Variants in ALCAM observed in about 807,000 individuals in gnomAD.
ALCAM encodes CD166 antigen.
ALCAM carries 30 observed loss-of-function variants against 70.9 expected under a neutral mutation model. The ratio of observed to expected loss-of-function variants is 0.42; its 90% CI spans 0.32 to 0.57. The LOEUF (loss-of-function observed/expected upper bound fraction) is 0.57. Among genes scored for constraint, ALCAM ranks in the 20% least tolerant of loss-of-function variants. The probability of loss-of-function intolerance (pLI) is 0.11; values close to 1 mark genes in which losing one functional copy is unlikely to be tolerated. For synonymous variants in ALCAM, 249 were observed against 242.5 expected (o/e 1.03, Z -0.25); for missense variants, 591 against 695.1 (o/e 0.85, Z 1.68).
intron 2 of ALCAM, 140 bp from the exon 3 acceptor site, chr3:105,524,149 G>A (rs1576220337): frequency 2.8e-6 from 2 of 721,154 alleles, no homozygotes; most frequent in Non-Finnish European, 2.2e-6. Context: ...ATATTTACGT[G>A]AGACTTGTAT....
intron 1 of ALCAM, among the ~76,000 whole-genome samples, chr3:105,499,044 CCTTT>C (rs1340280876): frequency 6.6e-5 from 10 of 152,026 alleles, no homozygotes; most frequent in African/African-American, 2.2e-4. Flanking sequence ...ACTTATCTCA[CCTTT>C]CTTTAGGCAA....
intron 14 of ALCAM, among the ~76,000 whole-genome samples, chr3:105,568,286 T>TTA (rs1313810784): frequency 6.6e-6 from 1 of 152,024 alleles, no homozygotes; most frequent in Non-Finnish European, 1.5e-5. Flanking sequence ...AGTAGGGGTT[T>TTA]TACCATGTTG....
chr3:105,413,339 A>T (rs1282402323), intron 1 of ALCAM, among the ~76,000 whole-genome samples: 2 of 152,146 alleles, frequency 1.3e-5, no homozygotes, highest in African/African-American at 4.8e-5. Flanking sequence ...TTTAGGTTAT[A>T]TGTGTATATT....
chr3:105,460,429 C>T (rs1937587570), intron 1 of ALCAM, among the ~76,000 whole-genome samples: 1 of 151,970 alleles, frequency 6.6e-6, no homozygotes, highest in Non-Finnish European at 1.5e-5. Flanking sequence ...TCTCTTAGAT[C>T]ATTGTAAAGG....
chr3:105,496,828 GT>G (rs746530565), intron 1 of ALCAM, among the ~76,000 whole-genome samples: 3,167 of 96,822 alleles, frequency 0.033, 47 homozygotes, highest in African/African-American at 0.045. Context: ...TCCAATTGAG[GT>G]GTGTGTGTGT....
At chr3:105,412,391 A>T (rs1226614067) in intron 1 of ALCAM, among the ~76,000 whole-genome samples, 2 of 152,134 alleles carry the variant, frequency 1.3e-5, no homozygotes, top group African/African-American at 4.8e-5. Flanking sequence ...AATTAATTTG[A>T]AATGCAGTAC....
intron 1 of ALCAM, among the ~76,000 whole-genome samples, chr3:105,378,827 A>G (rs536838470): frequency 7.0e-4 from 107 of 152,060 alleles, no homozygotes; most frequent in Non-Finnish European, 1.4e-3. Context: ...GTTTCAGGGT[A>G]TGGTTTGGAG....
At chr3:105,551,400 T>A (rs1273765927) in intron 12 of ALCAM, among the ~76,000 whole-genome samples, 1 of 151,570 alleles carries the variant, frequency 6.6e-6, no homozygotes, top group Non-Finnish European at 1.5e-5. Context: ...ACATTTAATA[T>A]AGTCGTTTTC....
intron 1 of ALCAM, among the ~76,000 whole-genome samples, chr3:105,424,654 A>G (rs1181161295): frequency 6.6e-6 from 1 of 151,714 alleles, no homozygotes; most frequent in African/African-American, 2.4e-5. Flanking sequence ...GGTATGTCTT[A>G]AGATGGCAGG....
At chr3:105,469,837 C>T (rs187882139) in intron 1 of ALCAM, among the ~76,000 whole-genome samples, 131 of 150,806 alleles carry the variant, frequency 8.7e-4, no homozygotes, top group Admixed American at 3.3e-3. Context: ...CAATTGTAGT[C>T]GTAAAGGAAT....
At chr3:105,413,719 A>G (rs1936443003) in intron 1 of ALCAM, among the ~76,000 whole-genome samples, 1 of 152,176 alleles carries the variant, frequency 6.6e-6, no homozygotes, top group Non-Finnish European at 1.5e-5. Context: ...TAAAGTGTCC[A>G]CAGCTGCTGT....
chr3:105,504,884 C>T (rs192862181), intron 1 of ALCAM, among the ~76,000 whole-genome samples: 1 of 152,168 alleles, frequency 6.6e-6, no homozygotes, highest in Admixed American at 6.5e-5. Flanking sequence ...TCCCTTCCCC[C>T]TTCTGTATCA....
At chr3:105,443,903 C>CAA in intron 1 of ALCAM, among the ~76,000 whole-genome samples, 1 of 151,868 alleles carries the variant, frequency 6.6e-6, no homozygotes, top group South Asian at 2.1e-4. Flanking sequence ...GTCACAATGC[C>CAA]AAAAAAACAT....
intron 14 of ALCAM, among the ~76,000 whole-genome samples, chr3:105,570,954 G>A (rs1940848722): frequency 6.6e-6 from 1 of 152,162 alleles, no homozygotes; most frequent in Non-Finnish European, 1.5e-5. Flanking sequence ...GGAAGGGAGG[G>A]AGGGAAGGTG....
At chr3:105,548,608 T>C (rs1000295524) in intron 11 of ALCAM, among the ~76,000 whole-genome samples, 1 of 151,410 alleles carries the variant, frequency 6.6e-6, no homozygotes, top group African/African-American at 2.4e-5. Flanking sequence ...GATGCATATA[T>C]AGCTGCATAA....
chr3:105,476,372 T>C (rs1034001597), intron 1 of ALCAM, among the ~76,000 whole-genome samples: 1 of 152,056 alleles, frequency 6.6e-6, no homozygotes, highest in Non-Finnish European at 1.5e-5. Context: ...CTCAAATATA[T>C]ACCTCTAAAT....
intron 1 of ALCAM, among the ~76,000 whole-genome samples, chr3:105,460,331 G>A (rs1396477471): frequency 6.6e-6 from 1 of 152,020 alleles, no homozygotes; most frequent in East Asian, 1.9e-4. Flanking sequence ...TTCTAATAGA[G>A]AAAGTCAACT....
At chr3:105,550,461 A>G (rs531800117) in intron 12 of ALCAM, among the ~76,000 whole-genome samples, 29 of 151,438 alleles carry the variant, frequency 1.9e-4, no homozygotes, top group Non-Finnish European at 4.0e-4. Context: ...CAGTTAAATC[A>G]TTTCATGTTT....
Position 105,367,142 on chromosome 3 carries a change from A to T in ALCAM, c.-267A>T. ...TTACTCAAGTGTCTCCTGGAAACAG[A>T]GGGTCGTTGTCCCCGGAGGAGCAGC... On this transcript the variant is annotated 5_prime_UTR_variant, in exon 1 of 16. Transcript: ENST00000306107. 2.0e-6 allele frequency: 1 copy of T among 502,040 alleles called. No individual in the cohort carries two copies. The highest frequency in any genetic ancestry group is 3.6e-6 in the Non-Finnish European group (1 of 275,622). The allele number at this position is 502,040 out of a possible 1,614,324, so 31.1% of individuals were successfully genotyped here.
Sources: allele counts gnomAD v4.1 joint callset (sites outside exome capture counted in the v4.1 genomes callset), GRCh38; gene constraint gnomAD v4.1.1; transcripts MANE v1.5; gene names NCBI Gene and HGNC (gene_info 2026-07-23, HGNC 2026-07-21).